ANO10: variants seen among roughly 807,000 people sequenced by gnomAD.
ANO10 encodes anoctamin-10.
Under a neutral mutation model 74.7 loss-of-function variants are expected in ANO10, and 77 were observed. The observed-to-expected ratio is 1.03, with a 90% CI of 0.86 to 1.25. The LOEUF is 1.25. Among genes scored for constraint, ANO10 ranks in the 50% most tolerant of loss-of-function variants. ANO10 has a pLI of 0.00. For synonymous variants in ANO10, 279 were observed against 284.9 expected (o/e 0.98, Z 0.21); for missense variants, 721 against 778.1 (o/e 0.93, Z 0.87).
intron 12 of ANO10, among the ~76,000 whole-genome samples, chr3:43,384,915 T>A (rs926067595): frequency 1.3e-5 from 2 of 152,008 alleles, no homozygotes; most frequent in Admixed American, 1.3e-4. Flanking sequence ...TAAAGATAAA[T>A]AGATGGGACT....
chr3:43,511,514 C>A (rs1266037340), intron 11 of ANO10, among the ~76,000 whole-genome samples: 1 of 152,150 alleles, frequency 6.6e-6, no homozygotes, highest in East Asian at 1.9e-4. Context: ...AAGCATCTTT[C>A]TTCACGTGTA....
At chr3:43,372,278 C>T (rs908958402) in intron 12 of ANO10, among the ~76,000 whole-genome samples, 13 of 152,030 alleles carry the variant, frequency 8.6e-5, no homozygotes, top group African/African-American at 3.1e-4. Context: ...CTCTACCTGT[C>T]ACACACGCAC....
chr3:43,630,065 T>C (rs1000285481), intron 1 of ANO10, among the ~76,000 whole-genome samples: 1 of 151,696 alleles, frequency 6.6e-6, no homozygotes, highest in Non-Finnish European at 1.5e-5. Context: ...GCCAATGAGA[T>C]GCAAGGTAAA....
At chr3:43,579,107 T>G in intron 5 of ANO10, among the ~76,000 whole-genome samples, 1 of 151,916 alleles carries the variant, frequency 6.6e-6, no homozygotes. Context: ...AAAAAAATGA[T>G]AGTAATGCAA....
chr3:43,456,788 A>G (rs1420209518), intron 11 of ANO10, among the ~76,000 whole-genome samples: 2 of 152,252 alleles, frequency 1.3e-5, no homozygotes, highest in Non-Finnish European at 2.9e-5. Context: ...CATGAAGCAA[A>G]GAGTAGGATC....
intron 4 of ANO10, among the ~76,000 whole-genome samples, chr3:43,586,006 A>G (rs1034828381): frequency 1.3e-5 from 2 of 152,170 alleles, no homozygotes; most frequent in African/African-American, 4.8e-5. Flanking sequence ...CACAAACTAT[A>G]AAAAGAGGCC....
intron 12 of ANO10, among the ~76,000 whole-genome samples, chr3:43,371,041 C>T (rs2091592722): frequency 6.6e-6 from 1 of 152,190 alleles, no homozygotes; most frequent in Non-Finnish European, 1.5e-5. Context: ...CTCCTTCTGG[C>T]TGAGCCCACA....
chr3:43,409,335 T>A (rs1311911784), intron 12 of ANO10, among the ~76,000 whole-genome samples: 2 of 151,968 alleles, frequency 1.3e-5, no homozygotes, highest in Non-Finnish European at 2.9e-5. Flanking sequence ...ATCACTTGAG[T>A]CCAGGTGTTC....
intron 11 of ANO10, among the ~76,000 whole-genome samples, chr3:43,493,050 A>G (rs866263698): frequency 4.6e-5 from 7 of 152,376 alleles, no homozygotes; most frequent in Admixed American, 4.6e-4. Flanking sequence ...ATGTCCATCA[A>G]TGATAGACTG....
At chr3:43,395,571 T>A (rs2092361235) in intron 12 of ANO10, among the ~76,000 whole-genome samples, 1 of 152,208 alleles carries the variant, frequency 6.6e-6, no homozygotes, top group South Asian at 2.1e-4. Context: ...TTTGCACTTT[T>A]GTCAAAAATC....
intron 11 of ANO10, among the ~76,000 whole-genome samples, chr3:43,545,382 G>GT (rs1037420841): frequency 9.3e-5 from 14 of 150,178 alleles, no homozygotes; most frequent in Admixed American, 1.3e-4. Flanking sequence ...TTGTTTGTTT[G>GT]TTTTTTTTTT....
At chr3:43,528,696 C>G (rs2078319371) in intron 11 of ANO10, among the ~76,000 whole-genome samples, 1 of 152,008 alleles carries the variant, frequency 6.6e-6, no homozygotes, top group Non-Finnish European at 1.5e-5. Context: ...CAAAGAAGAT[C>G]CAACATATAG....
In ANO10 at chr3:43,499,829, GA is replaced by G. The variant is rs1434678631; in HGVS notation, c.1797+49890del. On this transcript the variant is annotated intron_variant, in intron 11 of 12. Coordinates refer to ENST00000292246, the MANE Select transcript of ANO10 (RefSeq NM_018075.5). ...ATATAGGCTTGTTAATGTACTACTA[GA>G]TTTTTTTTTTTTTTTGAGACAGAGT... 8.6e-5 allele frequency among the ~76,000 whole-genome samples: 13 copies of G among 150,744 alleles called. 1 individual carries two copies. Among genetic ancestry groups the G allele is most frequent in the East Asian group, 7.8e-4 (4 of 5,140 alleles).
intron 12 of ANO10, among the ~76,000 whole-genome samples, chr3:43,386,202 T>C (rs2092111114): frequency 6.6e-6 from 1 of 152,124 alleles, no homozygotes; most frequent in African/African-American, 2.4e-5. Context: ...TTTAAATCAT[T>C]TTTGTTTGAA....
chr3:43,550,143 C>G (rs1389413361), intron 10 of ANO10, among the ~76,000 whole-genome samples: 1 of 152,164 alleles, frequency 6.6e-6, no homozygotes, highest in African/African-American at 2.4e-5. Context: ...AGTTACTCTA[C>G]TCACATCTAA....
At chr3:43,462,311 C>A (rs1299759289) in intron 11 of ANO10, among the ~76,000 whole-genome samples, 1 of 152,124 alleles carries the variant, frequency 6.6e-6, no homozygotes, top group Non-Finnish European at 1.5e-5. Context: ...CTCACTGCAA[C>A]CTCCGCCTCC....
At chr3:43,464,886 C>T (rs976505182) in intron 11 of ANO10, among the ~76,000 whole-genome samples, 5 of 152,086 alleles carry the variant, frequency 3.3e-5, no homozygotes, top group African/African-American at 7.2e-5. Context: ...GAAAGAGAGT[C>T]ACTAACATCA....
intron 11 of ANO10, among the ~76,000 whole-genome samples, chr3:43,524,316 A>C (rs900827570): frequency 0.015 from 50 of 3,308 alleles, no homozygotes; most frequent in African/African-American, 0.019. Context: ...TTCAAAGAAA[A>C]TTTTAGGCAA....
At chr3:43,518,916 T>A (rs1476180689) in intron 11 of ANO10, among the ~76,000 whole-genome samples, 1 of 152,088 alleles carries the variant, frequency 6.6e-6, no homozygotes, top group African/African-American at 2.4e-5. Flanking sequence ...CTGCCCCCAT[T>A]TGCCTTGTGA....
Sources: gnomAD v4.1 joint callset for allele counts (sites outside exome capture counted in the v4.1 genomes callset) on GRCh38, gnomAD v4.1.1 for gene constraint, MANE v1.5 for transcripts, NCBI Gene and HGNC (gene_info 2026-07-23, HGNC 2026-07-21) for gene names.